Variants in CRBN observed in about 807,000 individuals in gnomAD.
CRBN encodes protein cereblon.
A neutral mutation model predicts 62.2 loss-of-function variants in CRBN; 53 were observed. The observed-to-expected ratio is 0.85, with a 90% CI of 0.68 to 1.07. CRBN has a LOEUF of 1.07. Among genes scored for constraint, CRBN ranks in the 50% least tolerant of loss-of-function variants. The pLI, the probability that CRBN is intolerant of heterozygous loss-of-function variation, is 0.00. For synonymous variants in CRBN, 208 were observed against 176.1 expected (o/e 1.18, Z -1.43); for missense variants, 616 against 531.1 (o/e 1.16, Z -1.57).
chr3:3,150,789 T>A lies in CRBN; in HGVS notation c.*76A>T. 1 of 1,390,736 alleles carries A rather than the reference T, an allele frequency of 7.2e-7. No homozygotes were observed. The highest frequency in any genetic ancestry group is 1.0e-6 in the Non-Finnish European group (1 of 997,366). The allele number at this position is 1,390,736 out of a possible 1,614,324, so 86.1% of individuals were successfully genotyped here. ...AATGTTATGTTTACTTAGGTATGTA[T>A]CAGAGGCAATAATTTCCAAAGCAGA... On this transcript the variant is annotated 3_prime_UTR_variant, in exon 11 of 11. Transcript: ENST00000231948.
chr3:3,157,909 T>C (rs1347268003), intron 5 of CRBN, among the ~76,000 whole-genome samples: 1 of 152,204 alleles, frequency 6.6e-6, no homozygotes, highest in Non-Finnish European at 1.5e-5. Context: ...TAGAGCTGTC[T>C]CTCAAGTGGA....
chr3:3,173,752 A>C (rs1707721424), intron 3 of CRBN: 1 of 389,186 alleles, frequency 2.6e-6, no homozygotes. Context: ...CTTCTCTATA[A>C]TGAAGACAGT....
chr3:3,150,458 C>A lies in CRBN; in HGVS notation c.*407G>T. On this transcript the variant is annotated 3_prime_UTR_variant, in exon 11 of 11. Coordinates refer to ENST00000231948, the MANE Select transcript of CRBN (RefSeq NM_016302.4). Reference sequence around the variant, plus strand: ...GTTATTTAGAGCACTGGTACAGATACGCTGTCCCATACATCAGGATCAAAT... The same window carrying A: ...GTTATTTAGAGCACTGGTACAGATAAGCTGTCCCATACATCAGGATCAAAT... The A allele has an allele frequency of 5.2e-6, 1 of 193,520 alleles. No homozygotes were observed. The highest frequency in any genetic ancestry group is 9.1e-5 in the South Asian group (1 of 11,048). 12.0% of individuals were successfully genotyped at this position (193,520 alleles called of 1,614,324 possible).
intron 2 of CRBN, among the ~76,000 whole-genome samples, 187 bp from the exon 3 acceptor site, chr3:3,174,448 C>T (rs1707750002): frequency 6.6e-6 from 1 of 152,080 alleles, no homozygotes; most frequent in Non-Finnish European, 1.5e-5. Context: ...CAAGACCAAC[C>T]TGGCCAACAT....
At chr3:3,175,126 A>G (rs373789494) in intron 2 of CRBN, 37 bp downstream of exon 2, 9 of 1,266,058 alleles carry the variant, frequency 7.1e-6, no homozygotes, top group African/African-American at 5.9e-5. Flanking sequence ...ATTTAAATGT[A>G]TATCTATTAT....
rs774302109 is a variant in CRBN, at chr3:3,179,667, C to T, written c.21G>A (p.Gln7=). ...TGCCCATGTTGTGCGCAGCGTCCTG[C>T]TGATCTCCTTCGCCGGCCATGTCTG... MAGEGD[Q]QDAAHNMGNH... The change falls in exon 1 of 11, where the codon CAG becomes CAA. Residue 7 remains glutamine, a synonymous_variant. Coordinates refer to ENST00000231948, the MANE Select transcript of CRBN (RefSeq NM_016302.4). 1.2e-6 allele frequency: 2 copies of T among 1,613,052 alleles called. No individual in the cohort carries two copies. The highest frequency in any genetic ancestry group is 1.1e-5 in the South Asian group (1 of 91,034).
chr3:3,153,943 A>G lies in CRBN; in HGVS notation c.951+17T>C. 3.4e-6 allele frequency: 5 copies of G among 1,485,820 alleles called. No individual in the cohort carries two copies. The highest frequency in any genetic ancestry group is 4.7e-6 in the Non-Finnish European group (5 of 1,063,092). 92.0% of individuals were successfully genotyped at this position (1,485,820 alleles called of 1,614,324 possible). A position where few individuals can be genotyped will look rare whatever the true frequency, so the allele number is the denominator to read the frequency against. ...TGAATAAAACATGGGCATCAAAAAC[A>G]TATTCACTTTACTCACTTTATTCAT... On this transcript the variant is annotated intron_variant, in intron 8 of 10. Coordinates refer to ENST00000231948, the MANE Select transcript of CRBN (RefSeq NM_016302.4).
chr3:3,154,131 A>C (rs1706768779), intron 7 of CRBN, 56 bp from the exon 8 acceptor site: 4 of 1,015,668 alleles, frequency 3.9e-6, no homozygotes, highest in Non-Finnish European at 6.3e-6. Context: ...GCATCAGAGA[A>C]CTTACAAATC....
At chr3:3,174,307 T>C (rs747406424) in intron 2 of CRBN, 46 bp from the exon 3 acceptor site, 2 of 1,429,106 alleles carry the variant, frequency 1.4e-6, no homozygotes, top group South Asian at 1.2e-5. Flanking sequence ...CGATATGTAA[T>C]AAAAATGTAA....
At chr3:3,156,434 CTATG>C in intron 5 of CRBN, 153 bp from the exon 6 acceptor site, 2 of 650,514 alleles carry the variant, frequency 3.1e-6, no homozygotes, top group South Asian at 3.8e-5. Context: ...ACGTGACTAT[CTATG>C]AAGTGTGAAA....
At chr3:3,154,204 C>A in intron 7 of CRBN, 129 bp from the exon 8 acceptor site, 1 of 668,308 alleles carries the variant, frequency 1.5e-6, no homozygotes, top group Non-Finnish European at 2.7e-6. Flanking sequence ...CAAGTATAAA[C>A]AATACAAAAA....
chr3:3,177,019 G>A (rs144217349), intron 1 of CRBN, among the ~76,000 whole-genome samples: 1,749 of 152,292 alleles, frequency 0.011, 32 homozygotes, highest in South Asian at 0.031. Context: ...GATATTGGTT[G>A]CAATAACTAA....
At chr3:3,157,665 A>G (rs1706955875) in intron 5 of CRBN, among the ~76,000 whole-genome samples, 1 of 152,254 alleles carries the variant, frequency 6.6e-6, no homozygotes, top group Non-Finnish European at 1.5e-5. Flanking sequence ...GGGACTCGGG[A>G]CTGAGCTGAC....
At chr3:3,152,185 C>CT (rs567870743) in intron 10 of CRBN, among the ~76,000 whole-genome samples, 141 of 148,552 alleles carry the variant, frequency 9.5e-4, no homozygotes, top group Non-Finnish European at 1.9e-3. Context: ...GATTCTCACT[C>CT]TGTCACCCAG....
At chr3:3,177,604 A>G (rs921377306) in intron 1 of CRBN, among the ~76,000 whole-genome samples, 24 of 152,204 alleles carry the variant, frequency 1.6e-4, no homozygotes, top group African/African-American at 5.8e-4. Context: ...AGCACAACCC[A>G]CTTTATTGCT....
chr3:3,174,288 T>C (rs764998035), intron 2 of CRBN, 27 bp from the exon 3 acceptor site: 2 of 1,505,718 alleles, frequency 1.3e-6, no homozygotes, highest in Non-Finnish European at 1.8e-6. Flanking sequence ...ATAGGTATAG[T>C]GTCATGATCG....
chr3:3,153,242 T>C (rs927349900), intron 9 of CRBN, 182 bp downstream of exon 9: 9 of 559,286 alleles, frequency 1.6e-5, no homozygotes, highest in Admixed American at 9.4e-5. Context: ...CTGACATGCA[T>C]TGTTGCTCTG....
intron 1 of CRBN, among the ~76,000 whole-genome samples, chr3:3,178,719 A>T (rs561927856): frequency 6.6e-6 from 1 of 152,096 alleles, no homozygotes; most frequent in Non-Finnish European, 1.5e-5. Flanking sequence ...TAGACAGTAA[A>T]CCTCAATTAT....
intron 5 of CRBN, among the ~76,000 whole-genome samples, chr3:3,159,368 A>G (rs989221888): frequency 4.6e-5 from 7 of 152,112 alleles, no homozygotes; most frequent in Admixed American, 4.6e-4. Flanking sequence ...TCGCTGACAC[A>G]CTCCTCATTC....
Sources: gnomAD v4.1 joint callset for allele counts (sites outside exome capture counted in the v4.1 genomes callset) on GRCh38, gnomAD v4.1.1 for gene constraint, MANE v1.5 for transcripts, NCBI Gene and HGNC (gene_info 2026-07-23, HGNC 2026-07-21) for gene names.